The following BCL11B variants were observed in gnomAD, a reference collection of about 807,000 sequenced individuals.
The protein encoded by BCL11B is B-cell lymphoma/leukemia 11B.
Under a neutral mutation model 49.9 loss-of-function variants are expected in BCL11B, and 8 were observed. The ratio of observed to expected loss-of-function variants is 0.16; its 90% CI spans 0.09 to 0.29. The LOEUF (loss-of-function observed/expected upper bound fraction) is 0.29, where lower values mean the gene tolerates loss of function less well. Among genes scored for constraint, BCL11B ranks in the 10% least tolerant of loss-of-function variants. The probability of loss-of-function intolerance (pLI) is 1.00; values close to 1 mark genes in which losing one functional copy is unlikely to be tolerated. For synonymous variants in BCL11B, 739 were observed against 637.4 expected (o/e 1.16, Z -2.40); for missense variants, 1,006 against 1,351.0 (o/e 0.74, Z 4.00).
rs987543631 is a variant in BCL11B, at chr14:99,232,563, G to A, written c.428-1006C>T. 2.0e-5 allele frequency among the ~76,000 whole-genome samples: 3 copies of A among 152,198 alleles called. No individual in the cohort carries two copies. Among genetic ancestry groups the A allele is most frequent in the African/African-American group, 4.8e-5 (2 of 41,458 alleles). On this transcript the variant is annotated intron_variant, in intron 2 of 3. Coordinates refer to ENST00000357195, the MANE Select transcript of BCL11B (RefSeq NM_138576.4). The surrounding 1 kb of genome is among the most constrained non-coding windows in gnomAD (Gnocchi z 5.1). ...AGGGAGGCCCAGCACAGGTCTGCACGGGTGGGAGTCTGCCCACTCCAGGGC... is the reference window on the plus strand; with the variant it reads ...AGGGAGGCCCAGCACAGGTCTGCACAGGTGGGAGTCTGCCCACTCCAGGGC...
At chr14:99,224,436 T>C (rs890530862) in intron 3 of BCL11B, among the ~76,000 whole-genome samples, 3 of 152,138 alleles carry the variant, frequency 2.0e-5, no homozygotes, top group African/African-American at 7.2e-5. Context: ...TAGCAAACAG[T>C]GGCAAGCCCC....
chr14:99,191,169 G>A lies in BCL11B; in HGVS notation c.641-14974C>T, dbSNP rs75884620. 0.011 allele frequency among the ~76,000 whole-genome samples: 1,683 copies of A among 151,700 alleles called. 102 individuals are homozygous for A. In the East Asian group the frequency reaches 0.17, roughly 16 times the overall value. On this transcript the variant is annotated intron_variant, in intron 3 of 3. Transcript: ENST00000357195. Reference sequence around the variant, plus strand: ...TGTTTTGCCCCTCCAGGAAACCTGCGGCAATATTTGGAGATATTTGTGATT... The same window carrying A: ...TGTTTTGCCCCTCCAGGAAACCTGCAGCAATATTTGGAGATATTTGTGATT...
intron 1 of BCL11B, among the ~76,000 whole-genome samples, chr14:99,261,655 T>A (rs1889340897): frequency 6.6e-6 from 1 of 152,214 alleles, no homozygotes; most frequent in Admixed American, 6.5e-5. Flanking sequence ...TGAGATGATC[T>A]CTGCTTTCAT....
intron 2 of BCL11B, among the ~76,000 whole-genome samples, chr14:99,233,458 C>T (rs770490582): frequency 2.6e-5 from 4 of 152,194 alleles, no homozygotes; most frequent in Non-Finnish European, 4.4e-5. Context: ...GGGCGGAAGT[C>T]TGAGATCCCT....
rs150317905 is a variant in BCL11B at position 99,227,482 on chromosome 14, C to T, written c.640+3863G>A. ...ATACACTTGACCACCGCTTTCCAATCATGGAAGCCTCAGAACAGGGAAGGA... is the reference window on the plus strand; with the variant it reads ...ATACACTTGACCACCGCTTTCCAATTATGGAAGCCTCAGAACAGGGAAGGA... On this transcript the variant is annotated intron_variant, in intron 3 of 3. Transcript: ENST00000357195. 9.6e-3 allele frequency among the ~76,000 whole-genome samples: 1,460 copies of T among 152,258 alleles called. 24 individuals carry two copies. The highest frequency in any genetic ancestry group is 0.034 in the African/African-American group (1,400 of 41,540).
chr14:99,229,135 GAT>G (rs1292694940), intron 3 of BCL11B, among the ~76,000 whole-genome samples: 1 of 151,760 alleles, frequency 6.6e-6, no homozygotes, highest in African/African-American at 2.4e-5. Flanking sequence ...TGGATGGATG[GAT>G]GGATGGATGG....
At position 99,247,962 on chromosome 14, in the gene BCL11B, G is replaced by T. The variant is rs1373845119; in HGVS notation, c.427+9509C>A. On this transcript the variant is annotated intron_variant, in intron 2 of 3. Coordinates refer to ENST00000357195, the MANE Select transcript of BCL11B (RefSeq NM_138576.4). This position sits in a 1 kb window ranked among gnomAD's most constrained non-coding sequence, Gnocchi z 4.5. Reference sequence around the variant, plus strand: ...AGACAGAGCAGGCGGTCCTGGGCTGGGGGGCTCACCCTGCCCTTGGCTGCT... The same window carrying T: ...AGACAGAGCAGGCGGTCCTGGGCTGTGGGGCTCACCCTGCCCTTGGCTGCT... Among the ~76,000 whole-genome samples the T allele has an allele frequency of 6.6e-6, 1 of 152,200 alleles. No individual in the cohort carries two copies. Among genetic ancestry groups the T allele is most frequent in the East Asian group, 1.9e-4 (1 of 5,190 alleles).
intron 3 of BCL11B, among the ~76,000 whole-genome samples, chr14:99,202,919 C>T (rs935024116): frequency 2.0e-5 from 3 of 152,224 alleles, no homozygotes; most frequent in African/African-American, 7.2e-5. Context: ...TTCAAACCCC[C>T]GCCAAGAATC....
intron 3 of BCL11B, 72 bp from the exon 4 acceptor site, chr14:99,176,267 C>T: frequency 7.0e-7 from 1 of 1,426,336 alleles, no homozygotes; most frequent in Non-Finnish European, 9.5e-7. Context: ...ACCGCAGGGC[C>T]ACTGGCCTGG....
chr14:99,225,639 AT>A (rs1193699851), intron 3 of BCL11B, among the ~76,000 whole-genome samples: 37 of 152,270 alleles, frequency 2.4e-4, no homozygotes, highest in African/African-American at 8.9e-4. Context: ...TAAGACAGCT[AT>A]TAAAAAAAAA....
rs1488612800 is a variant in BCL11B at position 99,257,904 on chromosome 14, A to G, written c.59-65T>C. The G allele has an allele frequency of 1.8e-5, 26 of 1,430,788 alleles. No homozygotes were observed. The highest frequency in any genetic ancestry group is 2.3e-5 in the Non-Finnish European group (25 of 1,089,264). 88.6% of individuals were successfully genotyped at this position (1,430,788 alleles called of 1,614,324 possible). On this transcript the variant is annotated intron_variant, in intron 1 of 3. Coordinates refer to ENST00000357195, the MANE Select transcript of BCL11B (RefSeq NM_138576.4). This position sits in a 1 kb window ranked among gnomAD's most constrained non-coding sequence, Gnocchi z 6.2. ...AGAGATGGGCTTAGGCGGTCACAGC[A>G]CCCAACTTCCGGTCCACCCCTTCCC...
rs756408475 is a variant in BCL11B at position 99,271,264 on chromosome 14, G to A, written c.-46C>T. ...CATCGCCCGGAGAGCTGCACTGATG[G>A]GGGGAGCCGGGGGAGGGGGTCCGAG... is the stretch of plus-strand genomic sequence containing the variant. On this transcript the variant is annotated 5_prime_UTR_variant, in exon 1 of 4. Transcript: ENST00000357195. The A allele has an allele frequency of 1.2e-5, 16 of 1,286,986 alleles. No individual in the cohort carries two copies. The highest frequency in any genetic ancestry group is 4.1e-4 in the Middle Eastern group (2 of 4,824). The allele number at this position is 1,286,986 out of a possible 1,614,324, so 79.7% of individuals were successfully genotyped here.
chr14:99,269,717 C>T (rs1466847876), intron 1 of BCL11B, among the ~76,000 whole-genome samples: 2 of 150,610 alleles, frequency 1.3e-5, no homozygotes, highest in Non-Finnish European at 3.0e-5. Context: ...CTCTCGGCCG[C>T]CCGGCAGCCA....
intron 3 of BCL11B, among the ~76,000 whole-genome samples, chr14:99,230,167 C>T (rs1258476872): frequency 6.6e-6 from 1 of 152,214 alleles, no homozygotes; most frequent in East Asian, 1.9e-4. Context: ...AAGCTCTGGA[C>T]CCTGGAGCAG....
At chr14:99,188,701 GC>G in intron 3 of BCL11B, among the ~76,000 whole-genome samples, 1 of 152,232 alleles carries the variant, frequency 6.6e-6, no homozygotes, top group South Asian at 2.1e-4. Flanking sequence ...AATTTCCTCT[GC>G]CCCCCACAGT....
chr14:99,260,295 G>C (rs1242308893), intron 1 of BCL11B, among the ~76,000 whole-genome samples: 2 of 152,192 alleles, frequency 1.3e-5, no homozygotes, highest in African/African-American at 4.8e-5. Flanking sequence ...TGGAAGATTT[G>C]ATAAAAACGT....
chr14:99,257,615 T>G lies in BCL11B; in HGVS notation c.283A>C (p.Lys95Gln). The part of the protein sequence containing the change: ...LGACYDKALD[K>Q]DSPPPSSRSE... Reference sequence around the variant, plus strand: ...CGTGAGGAGGGTGGCGGGCTGTCCTTGTCCAGGGCCTTGTCATAGCAGGCA... The same window carrying G: ...CGTGAGGAGGGTGGCGGGCTGTCCTGGTCCAGGGCCTTGTCATAGCAGGCA... The change falls in exon 2 of 4, where the codon AAG becomes CAG. Residue 95 changes from lysine (K) to glutamine (Q), a missense_variant. By Grantham distance (53) the Lys-to-Gln change is moderately conservative. This residue lies in a region of BCL11B where 411 missense variants were observed against 542.2 expected (regional missense o/e 0.76). Transcript: ENST00000357195. This position sits in a 1 kb window ranked among gnomAD's most constrained non-coding sequence, Gnocchi z 6.2. 1 of 1,613,978 alleles carries G rather than the reference T, an allele frequency of 6.2e-7. No individual in the cohort carries two copies. The highest frequency in any genetic ancestry group is 8.5e-7 in the Non-Finnish European group (1 of 1,179,900).
chr14:99,176,989 C>A (rs1680880004), intron 3 of BCL11B, among the ~76,000 whole-genome samples: 1 of 151,876 alleles, frequency 6.6e-6, no homozygotes. Context: ...ATAGGAAATT[C>A]TCGTGTTTCC....
At chr14:99,225,314 G>C (rs1056468970) in intron 3 of BCL11B, among the ~76,000 whole-genome samples, 1 of 152,138 alleles carries the variant, frequency 6.6e-6, no homozygotes, top group African/African-American at 2.4e-5. Context: ...ATGATCTCTT[G>C]GGATCCCTGG....
Sources: gnomAD v4.1 joint callset for allele counts (sites outside exome capture counted in the v4.1 genomes callset) on GRCh38, gnomAD v4.1.1 for gene constraint, gnomAD v4.1.1 regional missense constraint, Gnocchi (gnomAD v3.1) non-coding constraint, MANE v1.5 for transcripts, NCBI Gene and HGNC (gene_info 2026-07-23, HGNC 2026-07-21) for gene names.